ABCA13: variants seen among roughly 807,000 people sequenced by gnomAD.
ABCA13 encodes the protein ATP-binding cassette sub-family A member 13.
A neutral mutation model predicts 478.7 loss-of-function variants in ABCA13; 476 were observed. That is an observed-to-expected ratio of 0.99 (90% confidence interval 0.92 to 1.07). The LOEUF is 1.07. ABCA13 is among the 50% of genes least tolerant of loss of function. The probability of loss-of-function intolerance (pLI) is 0.00; values close to 1 mark genes in which losing one functional copy is unlikely to be tolerated. For missense variants in ABCA13, 6,060 were observed against 5,910.6 expected (o/e 1.03, Z -0.83); for synonymous variants, 2,252 against 2,158.9 (o/e 1.04, Z -1.20).
At chr7:48,453,626 T>A (rs1825306550) in intron 42 of ABCA13, among the ~76,000 whole-genome samples, 1 of 152,214 alleles carries the variant, frequency 6.6e-6, no homozygotes, top group African/African-American at 2.4e-5. Flanking sequence ...TGTTTTGATC[T>A]TTAGACTTCC....
At chr7:48,594,678 A>ATGCTGAT (rs751815938) in intron 57 of ABCA13, 32 bp from the exon 58 acceptor site, 2 of 1,591,286 alleles carry the variant, frequency 1.3e-6, no homozygotes, top group South Asian at 2.2e-5. Context: ...TGTTTTTCAA[A>ATGCTGAT]TGCTGATTAC....
intron 43 of ABCA13, among the ~76,000 whole-genome samples, chr7:48,464,894 T>C (rs1383138520): frequency 6.6e-6 from 1 of 151,976 alleles, no homozygotes; most frequent in Non-Finnish European, 1.5e-5. Flanking sequence ...GCAGGACAAA[T>C]GGAGCAGAGG....
chr7:48,175,902 A>G (rs745650945), intron 1 of ABCA13, among the ~76,000 whole-genome samples: 1 of 152,124 alleles, frequency 6.6e-6, no homozygotes, highest in Non-Finnish European at 1.5e-5. Flanking sequence ...AACAACAACA[A>G]CAACAACAAG....
Position 48,275,092 on chromosome 7 carries a change from C to A in ABCA13, c.5426C>A (p.Pro1809Gln), listed in dbSNP as rs1445495407. 6.2e-7 allele frequency: 1 copy of A among 1,613,110 alleles called. No homozygotes were observed. The highest frequency in any genetic ancestry group is 1.3e-5 in the African/African-American group (1 of 74,864). ...LDTIELVSDK[P>Q]DIISEALACF... ...ACAATTGAATTAGTATCAGATAAGC[C>A]AGATATTATTTCAGAGGCTTTAGCT... Residue 1809 changes from proline (P) to glutamine (Q), a missense_variant, in exon 17 of 62, where the codon CCA (proline) becomes CAA (glutamine). Pro to Gln is a moderately conservative substitution (Grantham distance 76, BLOSUM62 -1). Around this residue, in one of 3 missense-constraint regions of ABCA13, gnomAD observed 4,423 missense variants for 4,309.1 expected, o/e 1.03. Transcript: ENST00000435803.
chr7:48,198,536 C>A (rs1363762741), intron 3 of ABCA13, among the ~76,000 whole-genome samples, 176 bp downstream of exon 3: 2 of 152,248 alleles, frequency 1.3e-5, no homozygotes, highest in East Asian at 1.9e-4. Flanking sequence ...TAATGGTTAG[C>A]TTCCAGCAGG....
intron 59 of ABCA13, among the ~76,000 whole-genome samples, chr7:48,632,978 G>A (rs1442348321): frequency 2.0e-5 from 3 of 152,076 alleles, no homozygotes; most frequent in Non-Finnish European, 4.4e-5. Context: ...ACTCTTAGAA[G>A]AAAACATAGG....
chr7:48,204,057 A>G (rs1037090641), intron 3 of ABCA13, among the ~76,000 whole-genome samples: 1 of 148,266 alleles, frequency 6.7e-6, no homozygotes, highest in Non-Finnish European at 1.5e-5. Flanking sequence ...TTTGATTATC[A>G]CCTGCTGCTG....
chr7:48,218,002 C>G (rs1424107359), intron 3 of ABCA13, among the ~76,000 whole-genome samples: 1 of 152,198 alleles, frequency 6.6e-6, no homozygotes, highest in Non-Finnish European at 1.5e-5. Context: ...GGAATTCACT[C>G]TCTCTCTCAC....
At position 48,646,302 on chromosome 7, in the gene ABCA13, G is replaced by A. The variant is rs193301897; in HGVS notation, c.*790G>A. On this transcript the variant is annotated 3_prime_UTR_variant, in exon 62 of 62. Transcript: ENST00000435803. Reference sequence around the variant, plus strand: ...CTGTTTTTTGTTATTCTAAGTCAGTGTTTTTCAAAGCGTAGTGGTCCCCAT... The same window carrying A: ...CTGTTTTTTGTTATTCTAAGTCAGTATTTTTCAAAGCGTAGTGGTCCCCAT... 1 of 152,192 alleles carries A rather than the reference G, an allele frequency of 6.6e-6. No homozygotes were observed. Among genetic ancestry groups the A allele is most frequent in the Non-Finnish European group, 1.5e-5 (1 of 68,020 alleles). The allele number at this position is 152,192 out of a possible 1,614,324, so 9.4% of individuals were successfully genotyped here.
intron 39 of ABCA13, among the ~76,000 whole-genome samples, chr7:48,407,294 C>A (rs1306938417): frequency 1.3e-5 from 2 of 151,576 alleles, no homozygotes; most frequent in Non-Finnish European, 2.9e-5. Context: ...ACCAACATGG[C>A]AAAACCCTGT....
Position 48,275,222 on chromosome 7 carries a change from T to G in ABCA13, c.5556T>G (p.Tyr1852Ter), listed in dbSNP as rs765761478. 1 of 1,613,920 alleles carries G rather than the reference T, an allele frequency of 6.2e-7. No individual in the cohort carries two copies. The highest frequency in any genetic ancestry group is 1.1e-5 in the South Asian group (1 of 91,076). ...NVHGLMSSSF[Y>*]GKVASILDHF... ...ATGGGCTCATGTCTTCTTCCTTTTA[T>G]GGCAAAGTGGCCAGTATACTTGATC... The change falls in exon 17 of 62, where the codon TAT becomes TAG. Residue 1852 changes from tyrosine (Y) to a stop codon, truncating the protein, a stop_gained. Coordinates refer to ENST00000435803, the MANE Select transcript of ABCA13 (RefSeq NM_152701.5). LOFTEE classifies it high-confidence loss of function.
Position 48,273,878 on chromosome 7 carries a change from G to T in ABCA13, c.4212G>T (p.Leu1404Phe). The change falls in exon 17 of 62, where the codon TTG (leucine) becomes TTT (phenylalanine). Residue 1404 changes from leucine (L) to phenylalanine (F), a missense_variant. Leu to Phe is a conservative substitution (Grantham distance 22). Around this residue, in one of 3 missense-constraint regions of ABCA13, gnomAD observed 4,423 missense variants for 4,309.1 expected, o/e 1.03. Coordinates refer to ENST00000435803, the MANE Select transcript of ABCA13 (RefSeq NM_152701.5). Reference sequence around the variant, plus strand: ...TATGGTTAGATGTCATAAACCATTTGTATTTGTTGTCTAACTCCAGTTTTT... The same window carrying T: ...TATGGTTAGATGTCATAAACCATTTTTATTTGTTGTCTAACTCCAGTTTTT... ...CIVWLDVINH[L>F]YLLSNSSFSQ... 6.2e-7 allele frequency: 1 copy of T among 1,612,576 alleles called. No homozygotes were observed. The highest frequency in any genetic ancestry group is 8.5e-7 in the Non-Finnish European group (1 of 1,179,116).
chr7:48,362,820 C>G (rs1811094661), intron 31 of ABCA13, among the ~76,000 whole-genome samples: 1 of 151,910 alleles, frequency 6.6e-6, no homozygotes, highest in South Asian at 2.1e-4. Flanking sequence ...TATTGTTAAT[C>G]TTACTTAATG....
In ABCA13 at chr7:48,411,291, CTTCTTTTCTT is replaced by C. The variant is rs571322141; in HGVS notation, c.12228+641_12228+650del. Among the ~76,000 whole-genome samples, 458 of 92,890 alleles carry C rather than the reference CTTCTTTTCTT, an allele frequency of 4.9e-3. 11 individuals are homozygous for C. Among genetic ancestry groups the C allele is most frequent in the African/African-American group, 0.011 (267 of 24,472 alleles). 60.9% of individuals were successfully genotyped at this position (92,890 alleles called of 152,430 possible). Reference sequence around the variant, plus strand: ...TTCCTCCCTCCCTCCTCCTTCCTTCCTTCTTTTCTTTTCTTTTCTTTTCTTTTCTTTTCTT... The same window carrying C: ...TTCCTCCCTCCCTCCTCCTTCCTTCCTTCTTTTCTTTTCTTTTCTTTTCTT... On this transcript the variant is annotated intron_variant, in intron 40 of 61. Coordinates refer to ENST00000435803, the MANE Select transcript of ABCA13 (RefSeq NM_152701.5).
At chr7:48,263,456 C>A (rs1255800132) in intron 15 of ABCA13, among the ~76,000 whole-genome samples, 1 of 151,876 alleles carries the variant, frequency 6.6e-6, no homozygotes, top group Admixed American at 6.6e-5. Context: ...GTTTTGGAAG[C>A]AGATGGACTT....
intron 42 of ABCA13, among the ~76,000 whole-genome samples, chr7:48,450,275 T>C (rs1824828226): frequency 6.6e-6 from 1 of 152,236 alleles, no homozygotes; most frequent in South Asian, 2.1e-4. Context: ...TTACTGTTTC[T>C]ATCTCATAAA....
chr7:48,369,089 G>T, intron 32 of ABCA13, among the ~76,000 whole-genome samples: 1 of 151,798 alleles, frequency 6.6e-6, no homozygotes, highest in Non-Finnish European at 1.5e-5. Context: ...TTTTGATTAT[G>T]GCCATTCTTG....
chr7:48,414,086 C>T (rs2129101472), intron 41 of ABCA13, among the ~76,000 whole-genome samples: 1 of 152,290 alleles, frequency 6.6e-6, no homozygotes, highest in African/African-American at 2.4e-5. Context: ...AAGAGACAAA[C>T]AAAAAGCAGC....
rs767178921 is a variant in ABCA13 at position 48,427,736 on chromosome 7, T to C, written c.12460-30T>C. The C allele has an allele frequency of 2.7e-6, 4 of 1,463,574 alleles. No individual in the cohort carries two copies. In the South Asian group the frequency reaches 4.7e-5, roughly 17 times the overall value. The allele number at this position is 1,463,574 out of a possible 1,614,324, so 90.7% of individuals were successfully genotyped here. On this transcript the variant is annotated intron_variant, in intron 41 of 61. Coordinates refer to ENST00000435803, the MANE Select transcript of ABCA13 (RefSeq NM_152701.5). Reference sequence around the variant, plus strand: ...ATGCGATGTGTATAGAAACATAAAATAATACATGGCGTTTTTTTTTCTCCG... The same window carrying C: ...ATGCGATGTGTATAGAAACATAAAACAATACATGGCGTTTTTTTTTCTCCG...
Sources: allele counts gnomAD v4.1 joint callset (sites outside exome capture counted in the v4.1 genomes callset), GRCh38; gene constraint gnomAD v4.1.1; regional missense constraint gnomAD v4.1.1; transcripts MANE v1.5; gene names NCBI Gene and HGNC (gene_info 2026-07-23, HGNC 2026-07-21).